The following PHF1 variants were observed in gnomAD, a reference collection of about 807,000 sequenced individuals.
PHF1 encodes the protein polycomb-like 1.
In PHF1, 16 loss-of-function variants were observed where a neutral mutation model predicts 69.4. The ratio of observed to expected loss-of-function variants is 0.23; its 90% CI spans 0.16 to 0.35. The LOEUF is 0.35. PHF1 is among the 10% of genes least tolerant of loss of function. The pLI is 1.00. For synonymous variants in PHF1, 274 were observed against 275.0 expected (o/e 1.00, Z 0.04); for missense variants, 515 against 732.8 (o/e 0.70, Z 3.43).
At position 33,412,231 on chromosome 6, in the gene PHF1, A is replaced by G. The variant is rs370865709; in HGVS notation, c.-16-17A>G. The G allele has an allele frequency of 2.9e-5, 46 of 1,567,138 alleles. No homozygotes were observed. Among genetic ancestry groups the G allele is most frequent in the Non-Finnish European group, 3.7e-5 (42 of 1,143,986 alleles). Reference sequence around the variant, plus strand: ...CAGCATTCATAACCTTCTCCTCCCCATTTCTTTTCTGGCTAGGCCCCCCCA... The same window carrying G: ...CAGCATTCATAACCTTCTCCTCCCCGTTTCTTTTCTGGCTAGGCCCCCCCA... On this transcript the variant is annotated splice_polypyrimidine_tract_variant and intron_variant, in intron 1 of 14. Transcript: ENST00000374516. This position sits in a 1 kb window ranked among gnomAD's most constrained non-coding sequence, Gnocchi z 4.2.
chr6:33,415,532 G>C (rs1776403903), intron 13 of PHF1, 58 bp from the exon 14 acceptor site: 2 of 1,557,258 alleles, frequency 1.3e-6, no homozygotes, highest in South Asian at 2.2e-5. Flanking sequence ...GCACTTCCCA[G>C]GGGGAGAAGG....
Position 33,416,197 on chromosome 6 carries a change from G to C in PHF1, c.*99G>C, listed in dbSNP as rs4231. 128,228 of 1,073,664 alleles carry C rather than the reference G, an allele frequency of 0.12. 8,926 individuals are homozygous for C. Among genetic ancestry groups the C allele is most frequent in the Middle Eastern group, 0.17 (539 of 3,248 alleles). The allele number at this position is 1,073,664 out of a possible 1,614,324, so 66.5% of individuals were successfully genotyped here. On this transcript the variant is annotated 3_prime_UTR_variant, in exon 15 of 15. Coordinates refer to ENST00000374516, the MANE Select transcript of PHF1 (RefSeq NM_024165.3). ...AGCTGGGATGTACCTGGAGAGATAG[G>C]GGGTAGTTCTCCCTACTGCCCAGGC...
chr6:33,412,363 G>T lies in PHF1; in HGVS notation c.100G>T (p.Gly34Cys). The T allele has an allele frequency of 6.2e-7, 1 of 1,614,144 alleles. No homozygotes were observed. Among genetic ancestry groups the T allele is most frequent in the Non-Finnish European group, 8.5e-7 (1 of 1,180,028 alleles). ...TGGCCCCAGGCCTCGGCTTTGGGAG[G>T]GTCAAGATGTGCTGGCCAGATGGAC... The part of the protein sequence containing the change: ...TSGPRPRLWE[G>C]QDVLARWTDG... Residue 34 changes from glycine (G) to cysteine (C), a missense_variant, in exon 2 of 15, where the codon GGT (glycine) becomes TGT (cysteine). Physicochemically the swap from Gly to Cys is radical, Grantham distance 159. This residue lies in a region of PHF1 where 52 missense variants were observed against 48.2 expected (regional missense o/e 1.08). Coordinates refer to ENST00000374516, the MANE Select transcript of PHF1 (RefSeq NM_024165.3). The surrounding 1 kb of genome is among the most constrained non-coding windows in gnomAD (Gnocchi z 4.2).
rs1776137432 is a variant in PHF1, at chr6:33,412,383, A to G, written c.120A>G (p.Arg40=). Residue 40 remains arginine, a synonymous_variant, in exon 2 of 15, where the codon AGA becomes AGG. Coordinates refer to ENST00000374516, the MANE Select transcript of PHF1 (RefSeq NM_024165.3). This position sits in a 1 kb window ranked among gnomAD's most constrained non-coding sequence, Gnocchi z 4.2. ...RLWEGQDVLA[R]WTDGLLYLGT... ...GGGAGGGTCAAGATGTGCTGGCCAG[A>G]TGGACTGATGGGCTGCTATACTTGG... The G allele has an allele frequency of 2.5e-6, 4 of 1,614,054 alleles. No homozygotes were observed. The highest frequency in any genetic ancestry group is 4.5e-5 in the East Asian group (2 of 44,888).
At position 33,411,219 on chromosome 6, in the gene PHF1, A is replaced by G. The variant is rs1312738455; in HGVS notation, c.-17+4A>G. The stretch of plus-strand genomic sequence containing the variant: ...CCGGCGGCCCCAGCTGTCACCGGTA[A>G]GGAGGCGGCAGGAGGCGCTGGTGGG... On this transcript the variant is annotated splice_donor_region_variant and intron_variant, in intron 1 of 14. Coordinates refer to ENST00000374516, the MANE Select transcript of PHF1 (RefSeq NM_024165.3). The G allele has an allele frequency of 3.9e-5, 6 of 152,040 alleles. No individual in the cohort carries two copies. The highest frequency in any genetic ancestry group is 7.4e-5 in the Non-Finnish European group (5 of 68,002). 9.4% of individuals were successfully genotyped at this position (152,040 alleles called of 1,614,324 possible).
At chr6:33,415,766 C>T in intron 14 of PHF1, 44 bp from the exon 15 acceptor site, 1 of 1,598,254 alleles carries the variant, frequency 6.3e-7, no homozygotes, top group Non-Finnish European at 8.6e-7. Context: ...TTCACATGTG[C>T]TCTCCATTTC....
chr6:33,414,770 T>G lies in PHF1; in HGVS notation c.990T>G (p.Gly330=). The G allele has an allele frequency of 6.2e-7, 1 of 1,613,986 alleles. No homozygotes were observed. Among genetic ancestry groups the G allele is most frequent in the Non-Finnish European group, 8.5e-7 (1 of 1,179,942 alleles). The change falls in exon 11 of 15, where the codon GGT becomes GGG. Residue 330 remains glycine, a synonymous_variant. Coordinates refer to ENST00000374516, the MANE Select transcript of PHF1 (RefSeq NM_024165.3). The surrounding 1 kb of genome is among the most constrained non-coding windows in gnomAD (Gnocchi z 5.0). ...TTAAGAAGAGGAAATGTTTGTTTGG[T>G]CTCCATGCTCGGATGCCTCCCCCTG... ...REIKKRKCLF[G]LHARMPPPVE... is the part of the protein sequence containing the mutation.
intron 13 of PHF1, 89 bp downstream of exon 13, chr6:33,415,418 C>A: frequency 7.9e-7 from 1 of 1,269,076 alleles, no homozygotes; most frequent in Admixed American, 1.8e-5. Context: ...TTTTCCCTCT[C>A]CCCCTTGGCT....
At position 33,412,465 on chromosome 6, in the gene PHF1, T is replaced by G; in HGVS notation, c.159+43T>G. On this transcript the variant is annotated intron_variant, in intron 2 of 14. Coordinates refer to ENST00000374516, the MANE Select transcript of PHF1 (RefSeq NM_024165.3). This position sits in a 1 kb window ranked among gnomAD's most constrained non-coding sequence, Gnocchi z 4.2. The stretch of plus-strand genomic sequence containing the variant: ...TGACCTTCTTCCTAGTTCCCTTATC[T>G]AATTCTGGTTCCCATTTCATCCTGT... 6.2e-7 allele frequency: 1 copy of G among 1,614,218 alleles called. No homozygotes were observed.
chr6:33,413,065 G>A (rs1022159761), intron 4 of PHF1, 131 bp from the exon 5 acceptor site: 2 of 884,360 alleles, frequency 2.3e-6, no homozygotes, highest in Non-Finnish European at 3.7e-6. Flanking sequence ...TCCCTGACTT[G>A]TAAAATAAGG....
rs1353856790 is a variant in PHF1, at chr6:33,412,596, C to G, written c.241+7C>G. 1 of 1,613,874 alleles carries G rather than the reference C, an allele frequency of 6.2e-7. No homozygotes were observed. Among genetic ancestry groups the G allele is most frequent in the African/African-American group, 1.3e-5 (1 of 74,910 alleles). On this transcript the variant is annotated splice_region_variant and intron_variant, in intron 3 of 14. Coordinates refer to ENST00000374516, the MANE Select transcript of PHF1 (RefSeq NM_024165.3). This position sits in a 1 kb window ranked among gnomAD's most constrained non-coding sequence, Gnocchi z 4.2. ...TGGAAAGACATTAGCCCTGGTAAGA[C>G]TCTAGAGACCTGAGATTGCACATCC...
rs1776343010 is a variant in PHF1, at chr6:33,415,006, G to A, written c.1101G>A (p.Lys367=). The change falls in exon 12 of 15, where the codon AAG becomes AAA. Residue 367 remains lysine, a synonymous_variant. Coordinates refer to ENST00000374516, the MANE Select transcript of PHF1 (RefSeq NM_024165.3). ...PGGGVSRPLG[K]RRRPEPEPLR... is the part of the protein sequence containing the mutation. ...GAGGGGTCTCACGTCCCCTGGGGAA[G>A]CGCCGGAGGCCGGAGCCAGAGCCCC... 6.4e-7 allele frequency: 1 copy of A among 1,562,750 alleles called. No homozygotes were observed. Among genetic ancestry groups the A allele is most frequent in the African/African-American group, 1.4e-5 (1 of 73,344 alleles).
In PHF1 at chr6:33,414,141, C is replaced by T. The variant is rs377077515; in HGVS notation, c.752+32C>T. ...TGGATTGGGCATGACCTCAGTGTAA[C>T]TCCACACCACAGTATTTCACTCTAT... On this transcript the variant is annotated intron_variant, in intron 8 of 14. Transcript: ENST00000374516. The surrounding 1 kb of genome is among the most constrained non-coding windows in gnomAD (Gnocchi z 5.0). 145 of 1,613,876 alleles carry T rather than the reference C, an allele frequency of 9.0e-5. No homozygotes were observed. The highest frequency in any genetic ancestry group is 1.0e-4 in the Admixed American group (6 of 59,994).
At position 33,412,279 on chromosome 6, in the gene PHF1, C is replaced by T. The variant is rs572492088; in HGVS notation, c.16C>T (p.Arg6Trp). MAQPP[R>W]LSRSGASSLW... The stretch of plus-strand genomic sequence containing the variant: ...CCAGGATGCAATGGCGCAGCCCCCC[C>T]GGCTGAGCCGCTCTGGTGCCTCCTC... Residue 6 changes from arginine to tryptophan, a missense_variant, in exon 2 of 15, where the codon CGG becomes TGG. Arg to Trp is a moderately radical substitution (Grantham distance 101, BLOSUM62 -3). Coordinates refer to ENST00000374516, the MANE Select transcript of PHF1 (RefSeq NM_024165.3). This position sits in a 1 kb window ranked among gnomAD's most constrained non-coding sequence, Gnocchi z 4.2. 35 of 1,613,720 alleles carry T rather than the reference C, an allele frequency of 2.2e-5. No individual in the cohort carries two copies. The highest frequency in any genetic ancestry group is 1.3e-4 in the East Asian group (6 of 44,890).
intron 1 of PHF1, among the ~76,000 whole-genome samples, chr6:33,411,862 C>T (rs1050062495): frequency 2.0e-5 from 3 of 152,058 alleles, no homozygotes; most frequent in Admixed American, 2.0e-4. Flanking sequence ...GCAAAATAGG[C>T]AAAGAAAATG....
chr6:33,412,716 A>G lies in PHF1; in HGVS notation c.260A>G (p.Glu87Gly). ...CTCACAGCTGCCCTCCCTGGAGAGGAACTCCTCTGTTGTGTCTGTCGCTCT... is the reference window on the plus strand; with the variant it reads ...CTCACAGCTGCCCTCCCTGGAGAGGGACTCCTCTGTTGTGTCTGTCGCTCT... The part of the protein sequence containing the change: ...DISPAALPGE[E>G]LLCCVCRSET... The change falls in exon 4 of 15, where the codon GAA becomes GGA. Residue 87 changes from glutamate (E) to glycine (G), a missense_variant. Physicochemically the swap from Glu to Gly is moderately conservative, Grantham distance 98. This residue lies in a region of PHF1 where 25 missense variants were observed against 21.5 expected (regional missense o/e 1.16). Coordinates refer to ENST00000374516, the MANE Select transcript of PHF1 (RefSeq NM_024165.3). The surrounding 1 kb of genome is among the most constrained non-coding windows in gnomAD (Gnocchi z 4.2). The G allele has an allele frequency of 6.2e-7, 1 of 1,613,998 alleles. No individual in the cohort carries two copies. The highest frequency in any genetic ancestry group is 8.5e-7 in the Non-Finnish European group (1 of 1,179,964).
intron 14 of PHF1, 38 bp from the exon 15 acceptor site, chr6:33,415,772 A>C: frequency 6.3e-7 from 1 of 1,596,248 alleles, no homozygotes; most frequent in Non-Finnish European, 8.6e-7. Flanking sequence ...TGTGCTCTCC[A>C]TTTCTGCCCA....
Position 33,412,746 on chromosome 6 carries a change from C to T in PHF1, c.290C>T (p.Thr97Ile), listed in dbSNP as rs1219644053. 1.2e-6 allele frequency: 2 copies of T among 1,614,006 alleles called. No homozygotes were observed. The highest frequency in any genetic ancestry group is 1.1e-5 in the South Asian group (1 of 91,088). ...ELLCCVCRSETVVPGNRLVSC... is the reference protein window; with the variant it reads ...ELLCCVCRSEIVVPGNRLVSC... ...CTCTGTTGTGTCTGTCGCTCTGAGA[C>T]TGTGGTCCCTGGGAACCGGCTGGTC... The change falls in exon 4 of 15, where the codon ACT (threonine) becomes ATT (isoleucine). Residue 97 changes from threonine to isoleucine, a missense_variant. Thr to Ile is a moderately conservative substitution (Grantham distance 89). Around this residue, in one of 5 missense-constraint regions of PHF1, gnomAD observed 142 missense variants for 309.7 expected, o/e 0.46. Transcript: ENST00000374516. The surrounding 1 kb of genome is among the most constrained non-coding windows in gnomAD (Gnocchi z 4.2).
Position 33,414,127 on chromosome 6 carries a change from TGAC to T in PHF1, c.752+19_752+21del. The T allele has an allele frequency of 6.2e-7, 1 of 1,614,124 alleles. No individual in the cohort carries two copies. The stretch of plus-strand genomic sequence containing the variant: ...CTTCGCTGGTGAGCTGGATTGGGCA[TGAC>T]CTCAGTGTAACTCCACACCACAGTA... On this transcript the variant is annotated intron_variant, in intron 8 of 14. Coordinates refer to ENST00000374516, the MANE Select transcript of PHF1 (RefSeq NM_024165.3). This position sits in a 1 kb window ranked among gnomAD's most constrained non-coding sequence, Gnocchi z 5.0.
Sources: allele counts gnomAD v4.1 joint callset (sites outside exome capture counted in the v4.1 genomes callset), GRCh38; gene constraint gnomAD v4.1.1; regional missense constraint gnomAD v4.1.1; non-coding constraint Gnocchi (gnomAD v3.1); transcripts MANE v1.5; gene names NCBI Gene and HGNC (gene_info 2026-07-23, HGNC 2026-07-21).